The following THSD7A variants were observed in gnomAD, a reference collection of about 807,000 sequenced individuals.
The protein encoded by THSD7A is thrombospondin type 1 domain containing 7A, also known as thrombospondin type-1 domain-containing protein 7A.
Under a neutral mutation model 231.3 loss-of-function variants are expected in THSD7A, and 96 were observed. The observed-to-expected ratio is 0.41, with a 90% CI of 0.35 to 0.49. The LOEUF is 0.49. Among genes scored for constraint, THSD7A ranks in the 20% least tolerant of loss-of-function variants. The pLI is 0.05. For missense variants in THSD7A, 2,290 were observed against 2,070.2 expected, an observed-to-expected ratio of 1.11 and a Z score of -2.06; for synonymous variants, 940 against 743.3, an observed-to-expected ratio of 1.26 and a Z score of -4.30.
intron 4 of THSD7A, among the ~76,000 whole-genome samples, chr7:11,588,954 A>T (rs554555117): frequency 6.6e-6 from 1 of 152,234 alleles, no homozygotes; most frequent in Non-Finnish European, 1.5e-5. Context: ...AAGTTAGTGG[A>T]TACAGAACAA....
chr7:11,599,749 G>A (rs375555695), intron 2 of THSD7A, among the ~76,000 whole-genome samples: 1 of 152,112 alleles, frequency 6.6e-6, no homozygotes, highest in African/African-American at 2.4e-5. Flanking sequence ...GGTTAATACC[G>A]AGTGTCAACT....
intron 1 of THSD7A, among the ~76,000 whole-genome samples, chr7:11,643,387 AAAT>A (rs1311358462): frequency 6.6e-6 from 1 of 152,108 alleles, no homozygotes; most frequent in Non-Finnish European, 1.5e-5. Context: ...AATTACTGTC[AAAT>A]AATAGGAAAG....
chr7:11,569,591 G>C (rs1318220236), intron 4 of THSD7A, among the ~76,000 whole-genome samples: 1 of 152,168 alleles, frequency 6.6e-6, no homozygotes, highest in Non-Finnish European at 1.5e-5. Context: ...ATGTAAATTA[G>C]TGACTTTGGA....
intron 2 of THSD7A, among the ~76,000 whole-genome samples, chr7:11,612,031 C>T (rs1170945015): frequency 6.6e-6 from 1 of 152,112 alleles, no homozygotes; most frequent in African/African-American, 2.4e-5. Context: ...GGCTTGAGCC[C>T]TTCATGACAT....
chr7:11,537,667 G>A lies in THSD7A; in HGVS notation c.1822+3752C>T, dbSNP rs1432747807. Among the ~76,000 whole-genome samples, 4 of 152,196 alleles carry A rather than the reference G, an allele frequency of 2.6e-5. No individual in the cohort carries two copies. In the East Asian group the frequency reaches 7.7e-4, roughly 29 times the overall value. ...TCCTGTACAGCCTGCAGGACTGCGA[G>A]CCAATTAAACCTCTTTTCCTCTTGC... On this transcript the variant is annotated intron_variant, in intron 6 of 27. Transcript: ENST00000423059.
At chr7:11,553,353 A>G (rs1051835219) in intron 4 of THSD7A, among the ~76,000 whole-genome samples, 1 of 152,134 alleles carries the variant, frequency 6.6e-6, no homozygotes, top group Admixed American at 6.6e-5. Flanking sequence ...TGTAAATCAC[A>G]GATCTTACCT....
chr7:11,618,137 C>G (rs1428545126), intron 2 of THSD7A, among the ~76,000 whole-genome samples: 1 of 152,090 alleles, frequency 6.6e-6, no homozygotes, highest in Admixed American at 6.6e-5. Context: ...TTATATGTGG[C>G]TATTTATTGT....
intron 1 of THSD7A, among the ~76,000 whole-genome samples, chr7:11,673,815 A>G (rs1374615837): frequency 6.6e-6 from 1 of 152,118 alleles, no homozygotes; most frequent in Non-Finnish European, 1.5e-5. Context: ...AGGCTTGGGA[A>G]AAGCCTAGCC....
intron 6 of THSD7A, among the ~76,000 whole-genome samples, chr7:11,496,084 T>G (rs182732333): frequency 0.08 from 12,198 of 152,192 alleles, 625 homozygotes; most frequent in Non-Finnish European, 0.11. Flanking sequence ...GTTCCTGAAT[T>G]CTAATCTGAA....
intron 2 of THSD7A, among the ~76,000 whole-genome samples, chr7:11,607,317 G>T (rs1780766198): frequency 6.6e-6 from 1 of 152,090 alleles, no homozygotes; most frequent in Admixed American, 6.6e-5. Context: ...GATGACTGCT[G>T]TGCTCATAGT....
At chr7:11,593,778 A>G (rs1056430721) in intron 2 of THSD7A, among the ~76,000 whole-genome samples, 3 of 152,264 alleles carry the variant, frequency 2.0e-5, no homozygotes, top group African/African-American at 7.2e-5. Flanking sequence ...TAAGTTTACC[A>G]TACTGTTCAT....
chr7:11,717,214 C>T (rs563719289), intron 1 of THSD7A, among the ~76,000 whole-genome samples: 2 of 151,694 alleles, frequency 1.3e-5, no homozygotes, highest in Non-Finnish European at 3.0e-5. Context: ...AGGTGATAGT[C>T]TCAGGCAGAG....
intron 1 of THSD7A, among the ~76,000 whole-genome samples, chr7:11,699,030 C>T (rs1388494261): frequency 2.0e-5 from 3 of 148,688 alleles, no homozygotes; most frequent in Admixed American, 6.7e-5. Context: ...GCCAAGAGGC[C>T]GATAACTAAT....
At chr7:11,740,937 TA>T (rs770161871) in intron 1 of THSD7A, among the ~76,000 whole-genome samples, 5 of 151,974 alleles carry the variant, frequency 3.3e-5, no homozygotes, top group Non-Finnish European at 7.4e-5. Flanking sequence ...GTGAATTACA[TA>T]ACGCTGTTTA....
At chr7:11,673,091 G>A (rs140954353) in intron 1 of THSD7A, among the ~76,000 whole-genome samples, 182 of 152,226 alleles carry the variant, frequency 1.2e-3, no homozygotes, top group African/African-American at 4.1e-3. Flanking sequence ...AAAACACAGA[G>A]GATTAATAGT....
chr7:11,620,190 C>A lies in THSD7A; in HGVS notation c.1022+15940G>T, dbSNP rs1405165405. On this transcript the variant is annotated intron_variant, in intron 2 of 27. Coordinates refer to ENST00000423059, the MANE Select transcript of THSD7A (RefSeq NM_015204.3). ...TCCTTGAATGTTCAACAATTATTTT[C>A]TTTCATTGAAGTAAATTTGTCTCTT... 2.0e-5 allele frequency among the ~76,000 whole-genome samples: 3 copies of A among 152,242 alleles called. No individual in the cohort carries two copies. In the East Asian group the frequency reaches 5.8e-4, roughly 29 times the overall value.
At chr7:11,527,782 A>G (rs375528414) in intron 6 of THSD7A, among the ~76,000 whole-genome samples, 11 of 152,162 alleles carry the variant, frequency 7.2e-5, no homozygotes, top group African/African-American at 2.4e-4. Flanking sequence ...CTCTCTTTCT[A>G]TATCACTTAG....
At chr7:11,693,412 C>T (rs1018902836) in intron 1 of THSD7A, among the ~76,000 whole-genome samples, 6 of 151,352 alleles carry the variant, frequency 4.0e-5, no homozygotes, top group Non-Finnish European at 7.4e-5. Context: ...TAATAACATA[C>T]GCTGTCTACA....
At chr7:11,415,593 G>A (rs181850931) in intron 17 of THSD7A, among the ~76,000 whole-genome samples, 3 of 151,450 alleles carry the variant, frequency 2.0e-5, no homozygotes, top group African/African-American at 4.9e-5. Flanking sequence ...TTTTCTCTTC[G>A]AACATTCACC....
Sources: allele counts gnomAD v4.1 joint callset (sites outside exome capture counted in the v4.1 genomes callset), GRCh38; gene constraint gnomAD v4.1.1; transcripts MANE v1.5; gene names NCBI Gene and HGNC (gene_info 2026-07-23, HGNC 2026-07-21).